Variants in PRKN observed in about 807,000 individuals in gnomAD.
PRKN encodes E3 ubiquitin-protein ligase parkin.
Under a neutral mutation model 59.5 loss-of-function variants are expected in PRKN, and 56 were observed. The ratio of observed to expected loss-of-function variants is 0.94; its 90% confidence interval spans 0.76 to 1.18. PRKN has a LOEUF of 1.18. Among genes scored for constraint, PRKN ranks in the 50% most tolerant of loss-of-function variants. The probability of loss-of-function intolerance (pLI) is 0.00; values close to 1 mark genes in which losing one functional copy is unlikely to be tolerated. For synonymous variants in PRKN, 250 were observed against 222.1 expected (o/e 1.13, Z -1.12); for missense variants, 657 against 596.4 (o/e 1.10, Z -1.06).
intron 1 of PRKN, among the ~76,000 whole-genome samples, chr6:162,504,828 G>A (rs1047577042): frequency 6.6e-6 from 1 of 152,030 alleles, no homozygotes; most frequent in African/African-American, 2.4e-5. Context: ...TAAGAAAACT[G>A]TAGAAATCAA....
intron 1 of PRKN, among the ~76,000 whole-genome samples, chr6:162,635,914 G>A (rs1777692968): frequency 1.3e-5 from 2 of 152,084 alleles, no homozygotes; most frequent in Non-Finnish European, 2.9e-5. Context: ...CATGTTTGGA[G>A]AAAAAGCCTC....
intron 2 of PRKN, among the ~76,000 whole-genome samples, chr6:162,340,333 T>G (rs1461512425): frequency 6.6e-6 from 1 of 152,166 alleles, no homozygotes; most frequent in Non-Finnish European, 1.5e-5. Context: ...ATTCTAAAGT[T>G]TAATTCATTG....
intron 1 of PRKN, among the ~76,000 whole-genome samples, chr6:162,565,433 C>A (rs373725602): frequency 6.6e-6 from 1 of 152,086 alleles, no homozygotes; most frequent in East Asian, 1.9e-4. Flanking sequence ...TGTATAATCC[C>A]GGCACTTTGG....
chr6:161,623,419 G>A (rs1339069693), intron 7 of PRKN, among the ~76,000 whole-genome samples: 1 of 152,166 alleles, frequency 6.6e-6, no homozygotes, highest in Non-Finnish European at 1.5e-5. Context: ...AAAAATATGG[G>A]TATATACACT....
chr6:161,572,528 C>T lies in PRKN; in HGVS notation c.872-3112G>A, dbSNP rs142552822. Among the ~76,000 whole-genome samples the T allele has an allele frequency of 5.8e-3, 879 of 152,094 alleles. 6 individuals carry two copies. Among genetic ancestry groups the T allele is most frequent in the African/African-American group, 0.02 (817 of 41,478 alleles). ...TACAAAAATTAGTCAGACATGGTGG[C>T]GGGCATCTGTAATCCCAGCTACTTG... On this transcript the variant is annotated intron_variant, in intron 7 of 11. Transcript: ENST00000366898.
chr6:161,769,747 T>C (rs1304946936), intron 7 of PRKN, among the ~76,000 whole-genome samples: 1 of 152,122 alleles, frequency 6.6e-6, no homozygotes, highest in African/African-American at 2.4e-5. Context: ...ATGTGGGGAT[T>C]AAGCTTGACC....
intron 6 of PRKN, 50 bp downstream of exon 6, chr6:161,973,252 T>G: frequency 8.4e-7 from 1 of 1,194,028 alleles, no homozygotes; most frequent in Non-Finnish European, 1.3e-6. Context: ...TATTTTTAGA[T>G]CCTTACCTCA....
At chr6:161,657,812 G>A (rs58875125) in intron 7 of PRKN, among the ~76,000 whole-genome samples, 35,615 of 151,742 alleles carry the variant, frequency 0.23, 4,222 homozygotes, top group Non-Finnish European at 0.24. Flanking sequence ...AATCACTTTA[G>A]GCCAGGAGTT....
At chr6:162,111,537 C>T (rs577454900) in intron 4 of PRKN, among the ~76,000 whole-genome samples, 1 of 152,242 alleles carries the variant, frequency 6.6e-6, no homozygotes. Flanking sequence ...CGTGCACACT[C>T]ACATACATAC....
At chr6:161,516,372 TAGG>T (rs1048036436) in intron 9 of PRKN, among the ~76,000 whole-genome samples, 1 of 141,886 alleles carries the variant, frequency 7.0e-6, no homozygotes, top group African/African-American at 2.7e-5. Flanking sequence ...GAGGCTAAGG[TAGG>T]AGAATTGATT....
intron 6 of PRKN, among the ~76,000 whole-genome samples, chr6:161,797,824 G>A (rs959704724): frequency 3.3e-5 from 5 of 152,096 alleles, no homozygotes; most frequent in African/African-American, 7.2e-5. Context: ...CTTGTTTTAC[G>A]TGTATCCAGA....
At chr6:162,185,861 T>G (rs1784007513) in intron 4 of PRKN, among the ~76,000 whole-genome samples, 1 of 152,142 alleles carries the variant, frequency 6.6e-6, no homozygotes, top group Non-Finnish European at 1.5e-5. Context: ...TTTAAATGCC[T>G]TAGGGACTCT....
intron 1 of PRKN, among the ~76,000 whole-genome samples, chr6:162,633,575 CTAGT>C (rs1171206716): frequency 6.6e-6 from 1 of 151,124 alleles, no homozygotes; most frequent in East Asian, 2.0e-4. Context: ...GGCTGATTTT[CTAGT>C]TGAGAAATCA....
At chr6:162,099,045 G>T (rs1779860087) in intron 4 of PRKN, among the ~76,000 whole-genome samples, 1 of 152,164 alleles carries the variant, frequency 6.6e-6, no homozygotes, top group Non-Finnish European at 1.5e-5. Flanking sequence ...GCTTTGAAGA[G>T]GGTGTTGGAT....
intron 6 of PRKN, among the ~76,000 whole-genome samples, chr6:161,878,071 G>C (rs1033903692): frequency 1.3e-5 from 2 of 152,150 alleles, no homozygotes; most frequent in Admixed American, 1.3e-4. Context: ...TTGTGTCAAA[G>C]AGCCATGGAT....
chr6:162,487,543 T>C (rs1034560938), intron 1 of PRKN, among the ~76,000 whole-genome samples: 3 of 152,076 alleles, frequency 2.0e-5, no homozygotes, highest in East Asian at 1.9e-4. Context: ...TGAACACACA[T>C]AAAACTGGAA....
intron 4 of PRKN, among the ~76,000 whole-genome samples, chr6:162,166,199 CT>C (rs1782983023): frequency 1.3e-5 from 2 of 152,038 alleles, no homozygotes; most frequent in African/African-American, 4.8e-5. Flanking sequence ...GACAAAAATA[CT>C]TCTCAGCCAT....
rs146225889 is a variant in PRKN at position 161,733,021 on chromosome 6, C to T, written c.871+52751G>A. ...GATTGCCTTTCTACTTCAGAAAATGCTGCTAACAGAAAAAAACAAAAACAA... is the reference window on the plus strand; with the variant it reads ...GATTGCCTTTCTACTTCAGAAAATGTTGCTAACAGAAAAAAACAAAAACAA... On this transcript the variant is annotated intron_variant, in intron 7 of 11. Coordinates refer to ENST00000366898, the MANE Select transcript of PRKN (RefSeq NM_004562.3). Among the ~76,000 whole-genome samples, 715 of 152,154 alleles carry T rather than the reference C, an allele frequency of 4.7e-3. 6 individuals are homozygous for T. The highest frequency in any genetic ancestry group is 0.017 in the African/African-American group (687 of 41,514).
At chr6:162,390,396 T>TATATATATATATATATATACATATAC (rs1180636201) in intron 2 of PRKN, among the ~76,000 whole-genome samples, 7 of 84,112 alleles carry the variant, frequency 8.3e-5, no homozygotes, top group African/African-American at 2.3e-4. Flanking sequence ...TATATATATA[T>TATATATATATATATATATACATATAC]ACACACACAC....
Sources: allele counts gnomAD v4.1 joint callset (sites outside exome capture counted in the v4.1 genomes callset), GRCh38; gene constraint gnomAD v4.1.1; transcripts MANE v1.5; gene names NCBI Gene and HGNC (gene_info 2026-07-23, HGNC 2026-07-21).